Variants in FARP2 observed in about 807,000 individuals in gnomAD.
The protein encoded by FARP2 is FERM, ARHGEF and pleckstrin domain-containing protein 2.
In FARP2, 111 loss-of-function variants were observed where a neutral mutation model predicts 130.5. That is an observed-to-expected ratio of 0.85 (90% CI 0.73 to 1.00). The LOEUF (loss-of-function observed/expected upper bound fraction) is 1.00, where lower values mean the gene tolerates loss of function less well. Ranked by LOEUF, FARP2 falls within the 50% of genes least tolerant of loss-of-function variation. The pLI, the probability that FARP2 is intolerant of heterozygous loss-of-function variation, is 0.00. For synonymous variants in FARP2, 504 were observed against 516.9 expected (o/e 0.98, Z 0.34); for missense variants, 1,385 against 1,346.3 (o/e 1.03, Z -0.45).
chr2:241,456,981 GT>G, intron 14 of FARP2, 59 bp downstream of exon 14: 1 of 1,440,634 alleles, frequency 6.9e-7, no homozygotes, highest in Non-Finnish European at 9.3e-7. Context: ...TGTTTTCACT[GT>G]TCCTTCGGGT....
chr2:241,370,211 A>G (rs985697780), intron 1 of FARP2, among the ~76,000 whole-genome samples: 1 of 152,182 alleles, frequency 6.6e-6, no homozygotes, highest in Admixed American at 6.5e-5. Flanking sequence ...GAATTTGTAA[A>G]TGTTTGAGGT....
chr2:241,427,323 C>T (rs1005965528), intron 8 of FARP2, among the ~76,000 whole-genome samples: 2 of 152,034 alleles, frequency 1.3e-5, no homozygotes, highest in African/African-American at 4.8e-5. Context: ...GTGACGTTTA[C>T]ATTGTATTAG....
rs145250956 is a variant in FARP2 at position 241,491,106 on chromosome 2, G to A, written c.2550G>A (p.Ala850=). 58 of 1,613,396 alleles carry A rather than the reference G, an allele frequency of 3.6e-5. 1 individual carries two copies. In the South Asian group the frequency reaches 4.8e-4, roughly 13 times the overall value. The change falls in exon 23 of 27, where the codon GCG becomes GCA. Residue 850 remains alanine, a synonymous_variant. Coordinates refer to ENST00000264042, the MANE Select transcript of FARP2 (RefSeq NM_014808.4). ...KEKWMLDLNS[A]IQAAKSGGDT... is the part of the protein sequence containing the mutation. ...AGTGGATGCTGGACCTGAACTCCGC[G>A]ATCCAAGCAGCCAAGAGTGGCGGTG...
At chr2:241,485,317 TCCTGGGATCTTCCCTCATTC>T (rs1309394097) in intron 21 of FARP2, among the ~76,000 whole-genome samples, 1 of 116,526 alleles carries the variant, frequency 8.6e-6, no homozygotes, top group Non-Finnish European at 1.8e-5. Context: ...GATCTTCCCT[TCCTGGGATCTTCCCTCATTC>T]CCTGGGATCT....
intron 13 of FARP2, among the ~76,000 whole-genome samples, chr2:241,449,462 A>G (rs1574845534): frequency 6.6e-6 from 1 of 152,330 alleles, no homozygotes; most frequent in East Asian, 1.9e-4. Flanking sequence ...ATTTTCAAGA[A>G]TCATTTGTTA....
At chr2:241,478,106 T>C (rs2064519991) in intron 19 of FARP2, 1 of 152,240 alleles carries the variant, frequency 6.6e-6, no homozygotes, top group Non-Finnish European at 1.5e-5. Context: ...CTATTTTTTT[T>C]CTTTAGTTGC....
chr2:241,365,417 A>T (rs1164226322), intron 1 of FARP2, among the ~76,000 whole-genome samples: 1 of 152,184 alleles, frequency 6.6e-6, no homozygotes, highest in African/African-American at 2.4e-5. Flanking sequence ...CCACTAAAAC[A>T]CTAGAAAATA....
At chr2:241,427,644 A>G (rs1206170802) in intron 8 of FARP2, among the ~76,000 whole-genome samples, 1 of 152,110 alleles carries the variant, frequency 6.6e-6, no homozygotes, top group Non-Finnish European at 1.5e-5. Flanking sequence ...AGCTGTAGAA[A>G]TTTCTTATTT....
chr2:241,424,877 C>A (rs556048555), intron 8 of FARP2, among the ~76,000 whole-genome samples: 1 of 152,078 alleles, frequency 6.6e-6, no homozygotes. Flanking sequence ...TGGACACATA[C>A]GCTCTCCCAA....
chr2:241,363,672 G>A (rs972478931), intron 1 of FARP2, among the ~76,000 whole-genome samples: 1 of 152,244 alleles, frequency 6.6e-6, no homozygotes, highest in Non-Finnish European at 1.5e-5. Context: ...GGGACCGCAG[G>A]ACATTGCTGA....
In FARP2 at chr2:241,477,698, C is replaced by T. The variant is rs532574833; in HGVS notation, c.2262+1711C>T. On this transcript the variant is annotated intron_variant, in intron 19 of 26. Transcript: ENST00000264042. ...GAACCATTTTTCATTCCCACCAACT[C>T]GTATGAGACTTCCAGTTTCTCACAT... is the stretch of plus-strand genomic sequence containing the variant. Among the ~76,000 whole-genome samples the T allele has an allele frequency of 9.2e-5, 14 of 152,336 alleles. 1 individual carries two copies. The highest frequency in any genetic ancestry group is 7.7e-4 in the East Asian group (4 of 5,192).
chr2:241,393,769 A>G (rs1193356141), intron 2 of FARP2, among the ~76,000 whole-genome samples: 2 of 152,228 alleles, frequency 1.3e-5, no homozygotes, highest in East Asian at 1.9e-4. Flanking sequence ...GCCCATTTTC[A>G]TCTAGACACA....
chr2:241,366,224 A>T (rs1161883313), intron 1 of FARP2, among the ~76,000 whole-genome samples: 3 of 150,054 alleles, frequency 2.0e-5, no homozygotes, highest in Admixed American at 2.0e-4. Flanking sequence ...TCACTTTCAC[A>T]CCAAAGCAGC....
rs2063970817 is a variant in FARP2 at position 241,459,996 on chromosome 2, T to C, written c.1588-2527T>C. ...CTCGCCCCTGGAGGAGTGGAGCTGC[T>C]CCGGGACTCGAGCATCCTGTTTCTT... On this transcript the variant is annotated intron_variant, in intron 14 of 26. Transcript: ENST00000264042. This position sits in a 1 kb window ranked among gnomAD's most constrained non-coding sequence, Gnocchi z 5.3. Among the ~76,000 whole-genome samples the C allele has an allele frequency of 1.3e-5, 2 of 152,270 alleles. No homozygotes were observed. The highest frequency in any genetic ancestry group is 3.4e-3 in the Middle Eastern group (1 of 294).
In FARP2 at chr2:241,459,973, C is replaced by T. The variant is rs557930328; in HGVS notation, c.1588-2550C>T. Among the ~76,000 whole-genome samples the T allele has an allele frequency of 4.6e-5, 7 of 152,252 alleles. No homozygotes were observed. The East Asian group carries it at 5.8e-4, about 13-fold the overall frequency. On this transcript the variant is annotated intron_variant, in intron 14 of 26. Transcript: ENST00000264042. This position sits in a 1 kb window ranked among gnomAD's most constrained non-coding sequence, Gnocchi z 5.3. ...ATGGCGTATGTGTCTCTATGTGCCT[C>T]GCCCCTGGAGGAGTGGAGCTGCTCC... is the stretch of plus-strand genomic sequence containing the variant.
chr2:241,404,196 C>A (rs779611114), intron 3 of FARP2, among the ~76,000 whole-genome samples: 2 of 152,188 alleles, frequency 1.3e-5, no homozygotes, highest in African/African-American at 2.4e-5. Flanking sequence ...GTATGAAAAT[C>A]ATTTCGAAAG....
intron 21 of FARP2, chr2:241,489,092 CT>C (rs1466265532): frequency 6.6e-6 from 1 of 152,222 alleles, no homozygotes. Flanking sequence ...AGACTAACAT[CT>C]GGACAATGTT....
At chr2:241,374,709 G>A (rs1372492102) in intron 2 of FARP2, among the ~76,000 whole-genome samples, 1 of 152,182 alleles carries the variant, frequency 6.6e-6, no homozygotes, top group African/African-American at 2.4e-5. Flanking sequence ...GAACCTGGGT[G>A]CTTTTCTGAA....
intron 2 of FARP2, among the ~76,000 whole-genome samples, chr2:241,403,194 C>T (rs986305085): frequency 9.9e-5 from 15 of 151,540 alleles, no homozygotes; most frequent in African/African-American, 3.6e-4. Flanking sequence ...ACTCTTAAGA[C>T]TTTAGCTTTT....
Sources: allele counts gnomAD v4.1 joint callset (sites outside exome capture counted in the v4.1 genomes callset), GRCh38; gene constraint gnomAD v4.1.1; non-coding constraint Gnocchi (gnomAD v3.1); transcripts MANE v1.5; gene names NCBI Gene and HGNC (gene_info 2026-07-23, HGNC 2026-07-21).